BRMS1L: variants seen among roughly 807,000 people sequenced by gnomAD.
BRMS1L encodes BRMS1 like transcriptional repressor, also known as breast cancer metastasis-suppressor 1-like protein.
Under a neutral mutation model 50.3 loss-of-function variants are expected in BRMS1L, and 23 were observed. That is an observed-to-expected ratio of 0.46 (90% CI 0.33 to 0.65). The LOEUF (loss-of-function observed/expected upper bound fraction) is 0.65, where lower values mean the gene tolerates loss of function less well. BRMS1L is among the 30% of genes least tolerant of loss of function. The pLI is 0.02. For synonymous variants in BRMS1L, 114 were observed against 126.9 expected, an observed-to-expected ratio of 0.90 and a Z score of 0.69; for missense variants, 286 against 386.1, an observed-to-expected ratio of 0.74 and a Z score of 2.17.
At chr14:35,861,695 C>G (rs918628060) in intron 4 of BRMS1L, among the ~76,000 whole-genome samples, 2 of 152,156 alleles carry the variant, frequency 1.3e-5, no homozygotes, top group Non-Finnish European at 2.9e-5. Context: ...TTCTAAATTT[C>G]AGACTCAAGA....
At chr14:35,842,508 A>G (rs2078080008) in intron 4 of BRMS1L, among the ~76,000 whole-genome samples, 1 of 151,766 alleles carries the variant, frequency 6.6e-6, no homozygotes, top group Non-Finnish European at 1.5e-5. Flanking sequence ...ATTGGCCTCC[A>G]CTCTATTCTG....
chr14:35,831,540 A>G (rs757931968), intron 2 of BRMS1L, 40 bp downstream of exon 2: 30 of 1,453,590 alleles, frequency 2.1e-5, no homozygotes, highest in Non-Finnish European at 2.6e-5. Context: ...ACTGAATCTC[A>G]ACCTTGTCAC....
At chr14:35,854,412 C>T (rs953948404) in intron 4 of BRMS1L, among the ~76,000 whole-genome samples, 4 of 152,150 alleles carry the variant, frequency 2.6e-5, no homozygotes, top group Non-Finnish European at 4.4e-5. Context: ...TGCAGTCATT[C>T]GTCGATAAGC....
Position 35,862,696 on chromosome 14 carries a change from A to G in BRMS1L, c.538+10A>G, listed in dbSNP as rs1184337651. The G allele has an allele frequency of 6.3e-6, 10 of 1,593,630 alleles. No homozygotes were observed. Among genetic ancestry groups the G allele is most frequent in the Non-Finnish European group, 8.6e-6 (10 of 1,165,396 alleles). On this transcript the variant is annotated intron_variant, in intron 5 of 9. Coordinates refer to ENST00000216807, the MANE Select transcript of BRMS1L (RefSeq NM_032352.4). ...ATTGATATTACCTCAGGTAAGGAGA[A>G]TGATATGATTGTGATGTTTGAGTGG...
At chr14:35,862,561 AC>A in intron 4 of BRMS1L, 28 bp from the exon 5 acceptor site, 1 of 1,492,596 alleles carries the variant, frequency 6.7e-7, no homozygotes, top group South Asian at 1.4e-5. Flanking sequence ...TTTTCTTTCT[AC>A]TTAAGTATAA....
intron 5 of BRMS1L, among the ~76,000 whole-genome samples, chr14:35,863,454 T>C (rs2142062454): frequency 6.6e-6 from 1 of 152,308 alleles, no homozygotes; most frequent in Non-Finnish European, 1.5e-5. Flanking sequence ...TAAGCTGAGC[T>C]CTAGTGCCAG....
intron 4 of BRMS1L, among the ~76,000 whole-genome samples, chr14:35,848,656 A>G (rs978433070): frequency 6.6e-6 from 1 of 151,546 alleles, no homozygotes; most frequent in Admixed American, 6.6e-5. Flanking sequence ...CCACCATTCT[A>G]CTCTTCTATG....
intron 4 of BRMS1L, among the ~76,000 whole-genome samples, chr14:35,861,036 T>C (rs2078344535): frequency 6.6e-6 from 1 of 152,210 alleles, no homozygotes; most frequent in Non-Finnish European, 1.5e-5. Flanking sequence ...CCATTAGGGC[T>C]TCATTTTCCA....
chr14:35,834,840 G>A lies in BRMS1L; in HGVS notation c.362-4G>A. On this transcript the variant is annotated splice_polypyrimidine_tract_variant and splice_region_variant and intron_variant, in intron 3 of 9. Transcript: ENST00000216807. ...ATAATCAGAGTAATTGTGTTTGGTT[G>A]CAGGAATCTATAGAGAGCTCTGCTT... 1.9e-6 allele frequency: 3 copies of A among 1,543,238 alleles called. No homozygotes were observed. Among genetic ancestry groups the A allele is most frequent in the South Asian group, 2.6e-5 (2 of 75,652 alleles).
At chr14:35,852,082 T>C (rs1166567622) in intron 4 of BRMS1L, among the ~76,000 whole-genome samples, 1 of 152,248 alleles carries the variant, frequency 6.6e-6, no homozygotes, top group Non-Finnish European at 1.5e-5. Context: ...TTTCTCTTGC[T>C]CAACATTATT....
chr14:35,862,294 G>A (rs531730954), intron 4 of BRMS1L, among the ~76,000 whole-genome samples: 1 of 152,178 alleles, frequency 6.6e-6, no homozygotes, highest in South Asian at 2.1e-4. Context: ...AGGGGCCATA[G>A]GGGTTTGCTA....
At chr14:35,837,319 A>G (rs1321751984) in intron 4 of BRMS1L, among the ~76,000 whole-genome samples, 1 of 152,052 alleles carries the variant, frequency 6.6e-6, no homozygotes, top group East Asian at 1.9e-4. Flanking sequence ...AGGTAATGTC[A>G]ACACTATTTA....
chr14:35,853,201 C>T (rs377389875), intron 4 of BRMS1L, among the ~76,000 whole-genome samples: 11 of 151,944 alleles, frequency 7.2e-5, no homozygotes, highest in Middle Eastern at 3.4e-3. Context: ...TTTTATTTGG[C>T]GTGGCATTTG....
At chr14:35,826,789 T>A in intron 1 of BRMS1L, 131 bp downstream of exon 1, 3 of 1,315,778 alleles carry the variant, frequency 2.3e-6, no homozygotes, top group Non-Finnish European at 3.0e-6. Context: ...AGACTGGCTC[T>A]GGGCCCTGGG....
In BRMS1L at chr14:35,830,934, A is replaced by G. The variant is rs1595658663; in HGVS notation, c.143-476A>G. Among the ~76,000 whole-genome samples, 3 of 150,000 alleles carry G rather than the reference A, an allele frequency of 2.0e-5. No individual in the cohort carries two copies. The East Asian group carries it at 5.9e-4, about 29-fold the overall frequency. On this transcript the variant is annotated intron_variant, in intron 1 of 9. Transcript: ENST00000216807. The stretch of plus-strand genomic sequence containing the variant: ...CTCATCTGTATTTTAGATTAAATCT[A>G]TAGTGGATTTTTTTTTTTTTTTTTT...
At chr14:35,845,154 T>C (rs2078116855) in intron 4 of BRMS1L, among the ~76,000 whole-genome samples, 1 of 152,238 alleles carries the variant, frequency 6.6e-6, no homozygotes, top group Non-Finnish European at 1.5e-5. Context: ...TCCATGTAGA[T>C]AATAATGTCA....
At chr14:35,870,152 TAAG>T (rs1433638833) in intron 9 of BRMS1L, among the ~76,000 whole-genome samples, 1 of 152,074 alleles carries the variant, frequency 6.6e-6, no homozygotes, top group Non-Finnish European at 1.5e-5. Context: ...CGAACTCTAT[TAAG>T]AAAAGAAGGA....
rs1361780692 is a variant in BRMS1L, at chr14:35,870,587, G to A, written c.*110G>A. The A allele has an allele frequency of 7.6e-6, 5 of 655,520 alleles. No individual in the cohort carries two copies. The highest frequency in any genetic ancestry group is 1.1e-5 in the Non-Finnish European group (4 of 370,084). The allele number at this position is 655,520 out of a possible 1,614,324, so 40.6% of individuals were successfully genotyped here. On this transcript the variant is annotated 3_prime_UTR_variant, in exon 10 of 10. Coordinates refer to ENST00000216807, the MANE Select transcript of BRMS1L (RefSeq NM_032352.4). Reference sequence around the variant, plus strand: ...TTAATATTCTCACTGAATCATGAGAGAATGTGTATTTGTAGGTAGTACTCT... The same window carrying A: ...TTAATATTCTCACTGAATCATGAGAAAATGTGTATTTGTAGGTAGTACTCT...
At chr14:35,831,374 T>C in intron 1 of BRMS1L, 36 bp from the exon 2 acceptor site, 1 of 1,475,644 alleles carries the variant, frequency 6.8e-7, no homozygotes, top group South Asian at 1.1e-5. Flanking sequence ...ATTTGAAAAT[T>C]AAGTTTATCT....
Sources: allele counts gnomAD v4.1 joint callset (sites outside exome capture counted in the v4.1 genomes callset), GRCh38; gene constraint gnomAD v4.1.1; transcripts MANE v1.5; gene names NCBI Gene and HGNC (gene_info 2026-07-23, HGNC 2026-07-21).